GRB2: variants seen among roughly 807,000 people sequenced by gnomAD.
GRB2 encodes growth factor receptor-bound protein 2.
GRB2 carries 2 observed loss-of-function variants against 27.4 expected under a neutral mutation model. The observed-to-expected ratio is 0.07, with a 90% confidence interval of 0.03 to 0.23. The LOEUF (loss-of-function observed/expected upper bound fraction) is 0.23. Ranked by LOEUF, GRB2 falls within the 10% of genes least tolerant of loss-of-function variation. The pLI is 1.00. For missense variants in GRB2, 102 were observed against 282.4 expected (o/e 0.36, Z 4.58); for synonymous variants, 94 against 99.6 (o/e 0.94, Z 0.33).
intron 1 of GRB2, among the ~76,000 whole-genome samples, chr17:75,397,686 C>G (rs72490453): frequency 6.6e-6 from 1 of 152,124 alleles, no homozygotes; most frequent in African/African-American, 2.4e-5. Context: ...AGTTGTGAAA[C>G]AAGCTCCAGT....
At chr17:75,369,722 G>T (rs911672034) in intron 2 of GRB2, among the ~76,000 whole-genome samples, 2 of 151,606 alleles carry the variant, frequency 1.3e-5, no homozygotes, top group African/African-American at 2.4e-5. Context: ...AGCCGGGTGT[G>T]GGGGTGCATG....
At chr17:75,338,733 C>A in intron 2 of GRB2, 1 of 510,510 alleles carries the variant, frequency 2.0e-6, no homozygotes, top group African/African-American at 1.9e-5. Context: ...GAGCCCAAAT[C>A]AGGAAGAAAT....
chr17:75,341,949 ACT>A (rs1302108084), intron 2 of GRB2, among the ~76,000 whole-genome samples: 4 of 151,638 alleles, frequency 2.6e-5, no homozygotes, highest in Admixed American at 6.6e-5. Flanking sequence ...GCCATCATCG[ACT>A]CTCTGCTCTG....
chr17:75,327,615 C>T (rs1289600764), intron 3 of GRB2, among the ~76,000 whole-genome samples: 1 of 142,190 alleles, frequency 7.0e-6, no homozygotes. Flanking sequence ...GAGATCTGCC[C>T]GCCTCAGCCT....
chr17:75,375,395 AAAG>A (rs1484636843), intron 2 of GRB2, among the ~76,000 whole-genome samples: 1 of 151,818 alleles, frequency 6.6e-6, no homozygotes, highest in Non-Finnish European at 1.5e-5. Flanking sequence ...AGGAAAAAAA[AAAG>A]AGAGAAAGTA....
chr17:75,327,434 G>A (rs903343571), intron 3 of GRB2, among the ~76,000 whole-genome samples: 5 of 146,244 alleles, frequency 3.4e-5, no homozygotes, highest in African/African-American at 7.7e-5. Flanking sequence ...GCAGTGGCAC[G>A]ATCTCGGCTC....
chr17:75,324,764 G>A (rs1400742157), intron 4 of GRB2, among the ~76,000 whole-genome samples: 3 of 151,848 alleles, frequency 2.0e-5, no homozygotes, highest in Non-Finnish European at 4.4e-5. Context: ...AAAGTCTCAC[G>A]CTTTACATCA....
intron 3 of GRB2, 78 bp downstream of exon 3, chr17:75,332,622 G>A (rs1404669092): frequency 1.2e-6 from 1 of 802,506 alleles, no homozygotes; most frequent in African/African-American, 1.7e-5. Flanking sequence ...ATCCATCCCA[G>A]TGATCTCAAT....
At chr17:75,341,468 A>AC (rs1436853739) in intron 2 of GRB2, among the ~76,000 whole-genome samples, 7 of 126,742 alleles carry the variant, frequency 5.5e-5, no homozygotes, top group African/African-American at 1.8e-4. Context: ...AAAAAAAAAA[A>AC]ACACAAAAGA....
At chr17:75,337,892 C>CTATTAT (rs1439039316) in intron 2 of GRB2, among the ~76,000 whole-genome samples, 44 of 127,628 alleles carry the variant, frequency 3.4e-4, no homozygotes, top group African/African-American at 1.2e-3. Flanking sequence ...ACTACTACTA[C>CTATTAT]TACTACTACT....
At chr17:75,388,984 A>G (rs1167904201) in intron 2 of GRB2, among the ~76,000 whole-genome samples, 1 of 151,986 alleles carries the variant, frequency 6.6e-6, no homozygotes, top group East Asian at 1.9e-4. Context: ...CCCCTCCTTC[A>G]TTTCTAGTAT....
chr17:75,333,977 T>G (rs949207628), intron 2 of GRB2, among the ~76,000 whole-genome samples: 2 of 152,210 alleles, frequency 1.3e-5, no homozygotes, highest in African/African-American at 2.4e-5. Context: ...TTGAATTGCA[T>G]GTACCAGGCC....
chr17:75,387,066 T>A (rs1217574457), intron 2 of GRB2, among the ~76,000 whole-genome samples: 1 of 149,052 alleles, frequency 6.7e-6, no homozygotes, highest in African/African-American at 2.5e-5. Context: ...GAGGCTGAGG[T>A]AGGAGAATGG....
intron 2 of GRB2, among the ~76,000 whole-genome samples, chr17:75,363,452 TTTC>T: frequency 6.6e-6 from 1 of 152,302 alleles, no homozygotes; most frequent in East Asian, 1.9e-4. Flanking sequence ...CTGTCTATTA[TTTC>T]AGGAAACCAA....
At chr17:75,389,573 G>A (rs150227004) in intron 2 of GRB2, among the ~76,000 whole-genome samples, 698 of 152,300 alleles carry the variant, frequency 4.6e-3, no homozygotes, top group African/African-American at 0.016. Context: ...CTTGCCGGGC[G>A]CGGTGGCTCA....
At chr17:75,343,741 T>C (rs1213250152) in intron 2 of GRB2, among the ~76,000 whole-genome samples, 1 of 152,176 alleles carries the variant, frequency 6.6e-6, no homozygotes, top group African/African-American at 2.4e-5. Context: ...TCAAAATAAC[T>C]GTCTTGCGTT....
intron 2 of GRB2, among the ~76,000 whole-genome samples, chr17:75,365,545 C>T (rs539255128): frequency 6.6e-6 from 1 of 152,244 alleles, no homozygotes; most frequent in East Asian, 1.9e-4. Context: ...TTAAAAGGTT[C>T]ACCTTATACA....
intron 3 of GRB2, among the ~76,000 whole-genome samples, chr17:75,328,892 C>A (rs144391073): frequency 6.6e-6 from 1 of 151,838 alleles, no homozygotes; most frequent in African/African-American, 2.4e-5. Flanking sequence ...GAGCCGAGAT[C>A]GCGCCACTGC....
At chr17:75,377,652 A>T (rs2078902899) in intron 2 of GRB2, among the ~76,000 whole-genome samples, 1 of 148,526 alleles carries the variant, frequency 6.7e-6, no homozygotes, top group Non-Finnish European at 1.5e-5. Flanking sequence ...CACGCCTGTA[A>T]TCCCAGTACT....
Sources: gnomAD v4.1 joint callset for allele counts (sites outside exome capture counted in the v4.1 genomes callset) on GRCh38, gnomAD v4.1.1 for gene constraint, MANE v1.5 for transcripts, NCBI Gene and HGNC (gene_info 2026-07-23, HGNC 2026-07-21) for gene names.